BANK1: variants seen among roughly 807,000 people sequenced by gnomAD.
The protein encoded by BANK1 is B-cell scaffold protein with ankyrin repeats.
Under a neutral mutation model 94.5 loss-of-function variants are expected in BANK1, and 95 were observed. The ratio of observed to expected loss-of-function variants is 1.00; its 90% CI spans 0.85 to 1.19. The LOEUF is 1.19. Ranked by LOEUF, BANK1 falls within the 50% of genes most tolerant of loss-of-function variation. BANK1 has a pLI of 0.00. For missense variants in BANK1, 987 were observed against 932.2 expected, an observed-to-expected ratio of 1.06 and a Z score of -0.77; for synonymous variants, 334 against 308.4, an observed-to-expected ratio of 1.08 and a Z score of -0.87.
intron 11 of BANK1, 43 bp from the exon 12 acceptor site, chr4:102,060,168 A>G (rs764717877): frequency 6.1e-6 from 9 of 1,487,406 alleles, no homozygotes; most frequent in South Asian, 2.8e-5. Context: ...CCAGTTGTCT[A>G]CACCTGGACT....
At position 101,915,554 on chromosome 4, in the gene BANK1, C is replaced by G. The variant is rs539661535; in HGVS notation, c.1010-2439C>G. Among the ~76,000 whole-genome samples, 568 of 151,814 alleles carry G rather than the reference C, an allele frequency of 3.7e-3. 4 individuals carry two copies. The Middle Eastern group carries it at 0.041, about 11-fold the overall frequency. ...CTTGAGACAATTAACAAGAGAAATA[C>G]CAAGTAGATGTAAATTCTAATTTTT... On this transcript the variant is annotated intron_variant, in intron 6 of 16. Coordinates refer to ENST00000322953, the MANE Select transcript of BANK1 (RefSeq NM_017935.5).
chr4:101,856,889 C>T (rs1282940930), intron 3 of BANK1, among the ~76,000 whole-genome samples: 1 of 152,110 alleles, frequency 6.6e-6, no homozygotes, highest in East Asian at 1.9e-4. Flanking sequence ...GTGCCAGCCC[C>T]ACATTCTAAT....
chr4:101,853,704 T>C (rs1364920835), intron 2 of BANK1, among the ~76,000 whole-genome samples: 2 of 152,142 alleles, frequency 1.3e-5, no homozygotes, highest in Admixed American at 6.6e-5. Context: ...TACTTGGAAG[T>C]AACGGACCAA....
intron 1 of BANK1, among the ~76,000 whole-genome samples, chr4:101,794,436 TTA>T: frequency 6.6e-6 from 1 of 152,246 alleles, no homozygotes; most frequent in Middle Eastern, 3.4e-3. Flanking sequence ...ATCACCTAAG[TTA>T]CACTTATTAA....
chr4:102,070,169 A>G (rs1728713382), intron 13 of BANK1, among the ~76,000 whole-genome samples: 1 of 152,182 alleles, frequency 6.6e-6, no homozygotes, highest in Non-Finnish European at 1.5e-5. Flanking sequence ...AAAGAAAAGC[A>G]TATTTGAAAG....
intron 7 of BANK1, among the ~76,000 whole-genome samples, chr4:101,973,576 G>A (rs1346550147): frequency 6.6e-6 from 1 of 151,972 alleles, no homozygotes; most frequent in African/African-American, 2.4e-5. Flanking sequence ...ACTATTTTAT[G>A]ATGTGGAAAT....
chr4:102,040,920 C>T (rs770964152), intron 10 of BANK1, among the ~76,000 whole-genome samples: 3 of 151,988 alleles, frequency 2.0e-5, no homozygotes, highest in Non-Finnish European at 4.4e-5. Context: ...AGGGAAAAGC[C>T]GTTTTTCCAT....
chr4:101,914,392 A>G (rs1037022041), intron 6 of BANK1, among the ~76,000 whole-genome samples: 5 of 152,108 alleles, frequency 3.3e-5, no homozygotes, highest in African/African-American at 1.2e-4. Flanking sequence ...GAGTGTATGG[A>G]GGAGCAAAGA....
At chr4:101,915,205 A>T (rs1560630910) in intron 6 of BANK1, among the ~76,000 whole-genome samples, 1 of 152,150 alleles carries the variant, frequency 6.6e-6, no homozygotes, top group Non-Finnish European at 1.5e-5. Flanking sequence ...ATGGTCACCA[A>T]TTGAATATTG....
In BANK1 at chr4:102,030,039, C is replaced by T. The variant is rs1727236280; in HGVS notation, c.1674C>T (p.Pro558=). The T allele has an allele frequency of 2.5e-6, 4 of 1,613,092 alleles. No homozygotes were observed. In the East Asian group the frequency reaches 6.7e-5, roughly 27 times the overall value. The change falls in exon 10 of 17, where the codon CCC becomes CCT. Residue 558 remains proline, a synonymous_variant. Coordinates refer to ENST00000322953, the MANE Select transcript of BANK1 (RefSeq NM_017935.5). Reference sequence around the variant, plus strand: ...TTAGACAAGAAACAGGAGATGAACCCAAAGGAGAAAAAGAGAAGAAAGAAG... The same window carrying T: ...TTAGACAAGAAACAGGAGATGAACCTAAAGGAGAAAAAGAGAAGAAAGAAG... The part of the protein sequence containing the change: ...PGVRQETGDE[P]KGEKEKKEEE...
intron 11 of BANK1, 30 bp from the exon 12 acceptor site, chr4:102,060,180 TC>T: frequency 6.6e-7 from 1 of 1,521,876 alleles, no homozygotes; most frequent in South Asian, 1.3e-5. Context: ...ACCTGGACTT[TC>T]TGTTAATGCA....
At chr4:101,856,416 A>T (rs1235838464) in intron 3 of BANK1, among the ~76,000 whole-genome samples, 2 of 152,164 alleles carry the variant, frequency 1.3e-5, no homozygotes, top group African/African-American at 4.8e-5. Flanking sequence ...AACAGTCAGA[A>T]CTCGTGGCTC....
At chr4:101,804,575 G>C (rs762326935) in intron 1 of BANK1, among the ~76,000 whole-genome samples, 1 of 152,178 alleles carries the variant, frequency 6.6e-6, no homozygotes, top group Non-Finnish European at 1.5e-5. Flanking sequence ...ACATACTGTA[G>C]ATTGAGGTCT....
At chr4:101,817,496 T>C (rs757363431) in intron 1 of BANK1, among the ~76,000 whole-genome samples, 105 of 151,976 alleles carry the variant, frequency 6.9e-4, no homozygotes, top group African/African-American at 2.2e-3. Context: ...CATGGACACA[T>C]AGAGGTGAGC....
chr4:102,071,524 G>A (rs929063341), intron 14 of BANK1, among the ~76,000 whole-genome samples: 1 of 152,218 alleles, frequency 6.6e-6, no homozygotes, highest in African/African-American at 2.4e-5. Context: ...AGGACCGTGA[G>A]TTTGGAATTC....
At chr4:101,799,086 C>G (rs1368026070) in intron 1 of BANK1, among the ~76,000 whole-genome samples, 1 of 152,036 alleles carries the variant, frequency 6.6e-6, no homozygotes, top group Admixed American at 6.6e-5. Flanking sequence ...CAGGTTTTTA[C>G]GGTTTTAGGT....
At chr4:101,879,284 C>T (rs538422223) in intron 5 of BANK1, among the ~76,000 whole-genome samples, 2 of 152,020 alleles carry the variant, frequency 1.3e-5, no homozygotes, top group African/African-American at 4.8e-5. Context: ...ACAACCAATA[C>T]CTAGAAATCC....
intron 5 of BANK1, among the ~76,000 whole-genome samples, chr4:101,882,204 T>TA (rs1337558512): frequency 6.6e-6 from 1 of 151,926 alleles, no homozygotes; most frequent in Non-Finnish European, 1.5e-5. Context: ...ATATACCTAA[T>TA]ATGTACCCAC....
At chr4:101,986,658 C>T (rs1337616028) in intron 7 of BANK1, among the ~76,000 whole-genome samples, 1 of 151,178 alleles carries the variant, frequency 6.6e-6, no homozygotes. Context: ...ACCCTATCAC[C>T]AATACCACCT....
Sources: allele counts gnomAD v4.1 joint callset (sites outside exome capture counted in the v4.1 genomes callset), GRCh38; gene constraint gnomAD v4.1.1; transcripts MANE v1.5; gene names NCBI Gene and HGNC (gene_info 2026-07-23, HGNC 2026-07-21).